The following SLCO5A1 variants were observed in gnomAD, a reference collection of about 807,000 sequenced individuals.
SLCO5A1 encodes the protein solute carrier organic anion transporter family member 5A1.
In SLCO5A1, 39 loss-of-function variants were observed where a neutral mutation model predicts 65.1. The observed-to-expected ratio is 0.60, with a 90% CI of 0.46 to 0.78. SLCO5A1 has a LOEUF of 0.78. Ranked by LOEUF, SLCO5A1 falls within the 30% of genes least tolerant of loss-of-function variation. The probability of loss-of-function intolerance (pLI) is 0.00; values close to 1 mark genes in which losing one functional copy is unlikely to be tolerated. For missense variants in SLCO5A1, 1,029 were observed against 1,069.4 expected (o/e 0.96, Z 0.53); for synonymous variants, 438 against 415.7 (o/e 1.05, Z -0.65).
At chr8:69,822,090 C>T (rs1019407088) in intron 2 of SLCO5A1, among the ~76,000 whole-genome samples, 3 of 151,952 alleles carry the variant, frequency 2.0e-5, no homozygotes, top group Non-Finnish European at 4.4e-5. Context: ...AGTGCCATTG[C>T]GCTCCAGCCT....
At position 69,832,710 on chromosome 8, in the gene SLCO5A1, C is replaced by T. The variant is rs753815899; in HGVS notation, c.-37G>A. On this transcript the variant is annotated 5_prime_UTR_variant, in exon 2 of 10. It introduces an in-frame stop codon into an upstream open reading frame of the 5' UTR. Transcript: ENST00000260126. The surrounding 1 kb of genome is among the most constrained non-coding windows in gnomAD (Gnocchi z 4.5). Reference sequence around the variant, plus strand: ...TTCAGATTTGATAGCTGATGGCACCCAAGCACTCCGGCACGTTTCATCCAC... The same window carrying T: ...TTCAGATTTGATAGCTGATGGCACCTAAGCACTCCGGCACGTTTCATCCAC... 6 of 1,559,240 alleles carry T rather than the reference C, an allele frequency of 3.8e-6. No individual in the cohort carries two copies. The South Asian group carries it at 7.1e-5, about 18-fold the overall frequency.
intron 2 of SLCO5A1, among the ~76,000 whole-genome samples, chr8:69,803,512 G>A (rs529219711): frequency 3.9e-5 from 6 of 152,116 alleles, no homozygotes; most frequent in South Asian, 2.1e-4. Context: ...CTGAGATCAC[G>A]CCACTGCACT....
At chr8:69,817,142 G>C (rs1370098173) in intron 2 of SLCO5A1, among the ~76,000 whole-genome samples, 4 of 152,126 alleles carry the variant, frequency 2.6e-5, no homozygotes, top group African/African-American at 9.7e-5. Flanking sequence ...ATCCATTAAA[G>C]AACAACCCCC....
At chr8:69,733,904 C>G (rs756526704) in intron 5 of SLCO5A1, among the ~76,000 whole-genome samples, 1 of 152,200 alleles carries the variant, frequency 6.6e-6, no homozygotes, top group Non-Finnish European at 1.5e-5. Flanking sequence ...GTCGTCCCAT[C>G]ATTTCAGGCT....
intron 2 of SLCO5A1, among the ~76,000 whole-genome samples, chr8:69,823,059 C>G (rs561983360): frequency 6.6e-6 from 1 of 152,314 alleles, no homozygotes; most frequent in South Asian, 2.1e-4. Context: ...GCATCCTTCT[C>G]TTCCTTTTCC....
intron 5 of SLCO5A1, among the ~76,000 whole-genome samples, chr8:69,726,514 T>TGGG (rs1554613254): frequency 1.3e-4 from 18 of 137,398 alleles, no homozygotes; most frequent in African/African-American, 3.5e-4. Context: ...TTTTTTTTTT[T>TGGG]GGGGGGACAG....
intron 2 of SLCO5A1, among the ~76,000 whole-genome samples, chr8:69,784,220 A>G (rs1818916550): frequency 6.6e-6 from 1 of 152,210 alleles, no homozygotes; most frequent in African/African-American, 2.4e-5. Context: ...TAAAACACTA[A>G]TGGAGAAAGG....
In SLCO5A1 at chr8:69,670,343, G is replaced by A. The variant is rs1355802239; in HGVS notation, c.*2526C>T. On this transcript the variant is annotated 3_prime_UTR_variant, in exon 10 of 10. Coordinates refer to ENST00000260126, the MANE Select transcript of SLCO5A1 (RefSeq NM_030958.3). The stretch of plus-strand genomic sequence containing the variant: ...ATTAAATGGTATCATCTACAAAACA[G>A]TCACTTCAGTTGGCTATGTAATATT... The A allele has an allele frequency of 6.6e-6, 1 of 152,144 alleles. No homozygotes were observed. Among genetic ancestry groups the A allele is most frequent in the Non-Finnish European group, 1.5e-5 (1 of 68,034 alleles). The allele number at this position is 152,144 out of a possible 1,614,324, so 9.4% of individuals were successfully genotyped here.
chr8:69,816,888 C>T (rs150946135), intron 2 of SLCO5A1, among the ~76,000 whole-genome samples: 171 of 152,230 alleles, frequency 1.1e-3, no homozygotes, highest in African/African-American at 4.1e-3. Context: ...GTGACTTTAC[C>T]ATTCAAGGAC....
chr8:69,692,628 GT>G (rs1169737476), intron 6 of SLCO5A1, among the ~76,000 whole-genome samples: 1 of 151,400 alleles, frequency 6.6e-6, no homozygotes, highest in African/African-American at 2.5e-5. Flanking sequence ...TCTATAAACT[GT>G]TTTCTTTTTT....
chr8:69,775,029 A>T lies in SLCO5A1; in HGVS notation c.908-13154T>A, dbSNP rs1328234670. 2.0e-5 allele frequency among the ~76,000 whole-genome samples: 3 copies of T among 151,916 alleles called. No individual in the cohort carries two copies. In the East Asian group the frequency reaches 5.8e-4, roughly 29 times the overall value. On this transcript the variant is annotated intron_variant, in intron 2 of 9. Coordinates refer to ENST00000260126, the MANE Select transcript of SLCO5A1 (RefSeq NM_030958.3). ...TATTTTGTGCAGCAATTTTTTTTTT[A>T]TTTTAAGTGATTCCATTATTTTGAC...
intron 2 of SLCO5A1, among the ~76,000 whole-genome samples, chr8:69,805,383 C>T (rs1320515056): frequency 1.3e-5 from 2 of 152,130 alleles, no homozygotes; most frequent in Non-Finnish European, 2.9e-5. Flanking sequence ...TTCCTTTTCC[C>T]CAAGACTCAA....
Position 69,672,020 on chromosome 8 carries a change from A to G in SLCO5A1, c.*849T>C, listed in dbSNP as rs1394990321. On this transcript the variant is annotated 3_prime_UTR_variant, in exon 10 of 10. Transcript: ENST00000260126. Reference sequence around the variant, plus strand: ...CTGCAACAATTTTCTTGGATGAGAAAGCTGTCATTTTCTTTCCCTATTATG... The same window carrying G: ...CTGCAACAATTTTCTTGGATGAGAAGGCTGTCATTTTCTTTCCCTATTATG... 1 of 152,228 alleles carries G rather than the reference A, an allele frequency of 6.6e-6. No individual in the cohort carries two copies. Among genetic ancestry groups the G allele is most frequent in the Non-Finnish European group, 1.5e-5 (1 of 68,040 alleles). 9.4% of individuals were successfully genotyped at this position (152,228 alleles called of 1,614,324 possible). A position where few individuals can be genotyped will look rare whatever the true frequency, so the allele number is the denominator to read the frequency against.
chr8:69,823,982 C>T (rs1473983410), intron 2 of SLCO5A1, among the ~76,000 whole-genome samples: 1 of 152,202 alleles, frequency 6.6e-6, no homozygotes, highest in Non-Finnish European at 1.5e-5. Context: ...TCACTCAAAA[C>T]TGCTCCACTA....
In SLCO5A1 at chr8:69,799,111, C is replaced by T. The variant is rs186763650; in HGVS notation, c.907+32656G>A. 4.6e-5 allele frequency among the ~76,000 whole-genome samples: 7 copies of T among 152,220 alleles called. No homozygotes were observed. The East Asian group carries it at 1.3e-3, about 29-fold the overall frequency. On this transcript the variant is annotated intron_variant, in intron 2 of 9. Coordinates refer to ENST00000260126, the MANE Select transcript of SLCO5A1 (RefSeq NM_030958.3). ...TCTTTAACTTTTGAAAAATCTGGTGCCAAGCAATGAGATTTGTGTGTGTTT... is the reference window on the plus strand; with the variant it reads ...TCTTTAACTTTTGAAAAATCTGGTGTCAAGCAATGAGATTTGTGTGTGTTT...
At chr8:69,678,697 C>T (rs1813644289) in intron 8 of SLCO5A1, among the ~76,000 whole-genome samples, 1 of 151,394 alleles carries the variant, frequency 6.6e-6, no homozygotes, top group Non-Finnish European at 1.5e-5. Context: ...GGTCCAGGAA[C>T]ACCAGTGCCA....
At chr8:69,762,507 C>A (rs141656704) in intron 2 of SLCO5A1, among the ~76,000 whole-genome samples, 2 of 151,998 alleles carry the variant, frequency 1.3e-5, no homozygotes, top group Admixed American at 1.3e-4. Context: ...TATAAGTGTT[C>A]AGACCCCACT....
At chr8:69,786,680 GT>G (rs1819052901) in intron 2 of SLCO5A1, among the ~76,000 whole-genome samples, 1 of 152,156 alleles carries the variant, frequency 6.6e-6, no homozygotes, top group Non-Finnish European at 1.5e-5. Flanking sequence ...CTTAATAGTT[GT>G]TTTTGTAGTC....
chr8:69,788,947 G>A (rs1819147965), intron 2 of SLCO5A1, among the ~76,000 whole-genome samples: 1 of 152,212 alleles, frequency 6.6e-6, no homozygotes, highest in Non-Finnish European at 1.5e-5. Flanking sequence ...AATTTGGCAT[G>A]ATTCTGGAAT....
Sources: allele counts gnomAD v4.1 joint callset (sites outside exome capture counted in the v4.1 genomes callset), GRCh38; gene constraint gnomAD v4.1.1; non-coding constraint Gnocchi (gnomAD v3.1); transcripts MANE v1.5; gene names NCBI Gene and HGNC (gene_info 2026-07-23, HGNC 2026-07-21).